Variants in ANKRD33 observed in about 807,000 individuals in gnomAD.
ANKRD33 encodes ankyrin repeat domain 33, also known as photoreceptor ankyrin repeat protein.
Under a neutral mutation model 20.6 loss-of-function variants are expected in ANKRD33, and 20 were observed. The ratio of observed to expected loss-of-function variants is 0.97; its 90% CI spans 0.68 to 1.41. The LOEUF is 1.41. Ranked by LOEUF, ANKRD33 falls within the 40% of genes most tolerant of loss-of-function variation. The pLI is 0.00. For missense variants in ANKRD33, 545 were observed against 579.6 expected (o/e 0.94, Z 0.61); for synonymous variants, 246 against 245.0 (o/e 1.00, Z -0.04).
At chr12:51,889,308 G>A in intron 3 of ANKRD33, 64 bp from the exon 4 acceptor site, 4 of 1,606,708 alleles carry the variant, frequency 2.5e-6, no homozygotes, top group Non-Finnish European at 3.4e-6. Context: ...GCTGGGTGGA[G>A]GGCGGTTTGG....
Position 51,890,788 on chromosome 12 carries a change from C to T in ANKRD33, c.842C>T (p.Pro281Leu), listed in dbSNP as rs968058054. ...GCCCAGGCCCAGGCCCAGGTTGCCCCTTCACTCCTAGAACGGCTGCAGGCT... is the reference window on the plus strand; with the variant it reads ...GCCCAGGCCCAGGCCCAGGTTGCCCTTTCACTCCTAGAACGGCTGCAGGCT... ...AQAQAQAQVA[P>L]SLLERLQATL... The change falls in exon 5 of 5, where the codon CCT (proline) becomes CTT (leucine). Residue 281 changes from proline to leucine, a missense_variant. Pro to Leu is a moderately conservative substitution (Grantham distance 98). Transcript: ENST00000301190. The T allele has an allele frequency of 6.2e-7, 1 of 1,604,440 alleles. No individual in the cohort carries two copies. The highest frequency in any genetic ancestry group is 8.5e-7 in the Non-Finnish European group (1 of 1,177,344).
At chr12:51,890,394 C>T in intron 4 of ANKRD33, 190 bp from the exon 5 acceptor site, 2 of 1,418,076 alleles carry the variant, frequency 1.4e-6, no homozygotes, top group Non-Finnish European at 1.9e-6. Context: ...TTTCCCCTCT[C>T]TGGACCTAAG....
Position 51,891,079 on chromosome 12 carries a change from G to A in ANKRD33, c.1133G>A (p.Gly378Asp). ...TTCGTCCCCTACCAGAGCCCTCAGG[G>A]CATATTGAGCAAGTGCCTTCAGTGG... is the stretch of plus-strand genomic sequence containing the variant. ...WVFVPYQSPQ[G>D]ILSKCLQWLQ... is the part of the protein sequence containing the mutation. Residue 378 changes from glycine to aspartate, a missense_variant, in exon 5 of 5, where the codon GGC (glycine) becomes GAC (aspartate). By Grantham distance (94) the Gly-to-Asp change is moderately conservative (BLOSUM62 -1). Coordinates refer to ENST00000301190, the MANE Select transcript of ANKRD33 (RefSeq NM_182608.4). 6.2e-7 allele frequency: 1 copy of A among 1,614,058 alleles called. No homozygotes were observed.
chr12:51,888,130 G>C lies in ANKRD33; in HGVS notation c.-57G>C. On this transcript the variant is annotated 5_prime_UTR_variant, in exon 1 of 5. Transcript: ENST00000301190. The stretch of plus-strand genomic sequence containing the variant: ...GACGTGACCACCCGCCCCGCATGGG[G>C]CCCCAGTCCCAGCTGCTTGATCCGG... 1 of 1,597,078 alleles carries C rather than the reference G, an allele frequency of 6.3e-7. No homozygotes were observed. The highest frequency in any genetic ancestry group is 1.1e-5 in the South Asian group (1 of 90,010).
In ANKRD33 at chr12:51,891,464, A is replaced by T; in HGVS notation, c.*159A>T. On this transcript the variant is annotated 3_prime_UTR_variant, in exon 5 of 5. Transcript: ENST00000301190. ...GGTCATTCATTCTAGCATTGTTTGC[A>T]AGAGTGAAAGAGTGGAAACACCCGA... 2 of 1,249,814 alleles carry T rather than the reference A, an allele frequency of 1.6e-6. No individual in the cohort carries two copies. The highest frequency in any genetic ancestry group is 2.1e-6 in the Non-Finnish European group (2 of 931,318). The allele number at this position is 1,249,814 out of a possible 1,614,324, so 77.4% of individuals were successfully genotyped here.
At chr12:51,889,328 C>T in intron 3 of ANKRD33, 44 bp from the exon 4 acceptor site, 1 of 1,608,534 alleles carries the variant, frequency 6.2e-7, no homozygotes, top group Non-Finnish European at 8.5e-7. Flanking sequence ...GGAGCTTCAT[C>T]ACCCCCTTTC....
intron 3 of ANKRD33, 61 bp from the exon 4 acceptor site, chr12:51,889,311 C>T (rs1210768686): frequency 1.3e-5 from 21 of 1,606,112 alleles, no homozygotes; most frequent in Non-Finnish European, 1.6e-5. Flanking sequence ...GGGTGGAGGG[C>T]GGTTTGGGAG....
rs1255164209 is a variant in ANKRD33, at chr12:51,889,487, G to A, written c.637+5G>A. The A allele has an allele frequency of 2.5e-6, 4 of 1,613,418 alleles. No homozygotes were observed. Among genetic ancestry groups the A allele is most frequent in the African/African-American group, 1.3e-5 (1 of 74,940 alleles). On this transcript the variant is annotated splice_donor_5th_base_variant and intron_variant, in intron 4 of 4. Transcript: ENST00000301190. ...AGGCTGCCATGCGGAACCGCTGTGA[G>A]TGCGTGGCCACCCTCCTCATGGCAG...
Position 51,888,601 on chromosome 12 carries a change from T to C in ANKRD33, c.179T>C (p.Leu60Pro), listed in dbSNP as rs763364276. The C allele has an allele frequency of 6.4e-7, 1 of 1,566,938 alleles. No homozygotes were observed. The highest frequency in any genetic ancestry group is 1.4e-5 in the African/African-American group (1 of 73,232). Residue 60 changes from leucine (L) to proline (P), a missense_variant, in exon 2 of 5, where the codon CTG becomes CCG. Coordinates refer to ENST00000301190, the MANE Select transcript of ANKRD33 (RefSeq NM_182608.4). ...TGCATGAGAAAAGGGACTCACCTTC[T>C]GGTTCCCTGCCTGGAAGAGGAAGAG... Reference protein sequence around the residue: ...ASCMRKGTHLLVPCLEEEELA... With the variant: ...ASCMRKGTHLPVPCLEEEELA...
At position 51,890,996 on chromosome 12, in the gene ANKRD33, G is replaced by A. The variant is rs568322204; in HGVS notation, c.1050G>A (p.Pro350=). 419 of 1,612,884 alleles carry A rather than the reference G, an allele frequency of 2.6e-4. 5 individuals are homozygous for A. In the South Asian group the frequency reaches 4.3e-3, roughly 17 times the overall value. Reference sequence around the variant, plus strand: ...TGCCAGAGCTGTTAGGTACTGCCCCGCCCCCTCCCCTGGTTCCCCAGTCCC... The same window carrying A: ...TGCCAGAGCTGTTAGGTACTGCCCCACCCCCTCCCCTGGTTCCCCAGTCCC... The part of the protein sequence containing the change: ...KSVPELLGTA[P]PPPLVPQSPP... The change falls in exon 5 of 5, where the codon CCG becomes CCA. Residue 350 remains proline, a synonymous_variant. Transcript: ENST00000301190.
At chr12:51,889,249 G>T in intron 3 of ANKRD33, 53 bp downstream of exon 3, 3 of 1,613,176 alleles carry the variant, frequency 1.9e-6, no homozygotes, top group Non-Finnish European at 2.5e-6. Flanking sequence ...TGCAGACAGG[G>T]CCTCAGCCCC....
intron 4 of ANKRD33, 106 bp from the exon 5 acceptor site, chr12:51,890,478 A>G (rs765885378): frequency 2.3e-5 from 36 of 1,536,010 alleles, no homozygotes; most frequent in Middle Eastern, 1.7e-4. Flanking sequence ...ATGGGACTCT[A>G]TGGCTTCGAA....
At chr12:51,890,126 G>C in intron 4 of ANKRD33, 1 of 260,576 alleles carries the variant, frequency 3.8e-6, no homozygotes, top group Non-Finnish European at 7.7e-6. Context: ...AATGAAAAAG[G>C]AGGGCGCTCT....
chr12:51,889,184 G>C lies in ANKRD33; in HGVS notation c.514G>C (p.Ala172Pro). The stretch of plus-strand genomic sequence containing the variant: ...AGGAGGGGACACGGCCCTCATGTTG[G>C]CTGCCCAAGCAGGTGTGAGGCTGCT... ...DKGGDTALML[A>P]AQAGHVPLVS... Residue 172 changes from alanine to proline, a missense_variant, in exon 3 of 5, where the codon GCT becomes CCT. By Grantham distance (27) the Ala-to-Pro change is conservative. Transcript: ENST00000301190. The C allele has an allele frequency of 1.2e-6, 2 of 1,614,188 alleles. No individual in the cohort carries two copies. The highest frequency in any genetic ancestry group is 4.5e-5 in the East Asian group (2 of 44,878).
chr12:51,888,875 C>T lies in ANKRD33; in HGVS notation c.396+57C>T, dbSNP rs571461727. 5.9e-5 allele frequency: 94 copies of T among 1,604,030 alleles called. No homozygotes were observed. The Admixed American group carries it at 1.1e-3, about 18-fold the overall frequency. On this transcript the variant is annotated intron_variant, in intron 2 of 4. Coordinates refer to ENST00000301190, the MANE Select transcript of ANKRD33 (RefSeq NM_182608.4). Reference sequence around the variant, plus strand: ...GGGCATCTTTGCATCCCCACCACACCGTCCTGGCCTGGCTCCCTGAGAGGG... The same window carrying T: ...GGGCATCTTTGCATCCCCACCACACTGTCCTGGCCTGGCTCCCTGAGAGGG...
intron 4 of ANKRD33, chr12:51,890,295 C>A: frequency 1.6e-6 from 1 of 640,586 alleles, no homozygotes; most frequent in African/African-American, 1.8e-5. Flanking sequence ...TCCTGGGCAG[C>A]CTGCACCGCT....
chr12:51,888,131 C>A lies in ANKRD33; in HGVS notation c.-56C>A. 1.3e-6 allele frequency: 2 copies of A among 1,597,174 alleles called. No individual in the cohort carries two copies. Among genetic ancestry groups the A allele is most frequent in the Non-Finnish European group, 8.5e-7 (1 of 1,171,068 alleles). ...ACGTGACCACCCGCCCCGCATGGGGCCCCAGTCCCAGCTGCTTGATCCGGC... is the reference window on the plus strand; with the variant it reads ...ACGTGACCACCCGCCCCGCATGGGGACCCAGTCCCAGCTGCTTGATCCGGC... On this transcript the variant is annotated 5_prime_UTR_variant, in exon 1 of 5. Transcript: ENST00000301190.
Position 51,890,230 on chromosome 12 carries a change from C to T in ANKRD33, c.638-354C>T, listed in dbSNP as rs533730560. ...GAAGAGAAGAACCAGGAGAGGGAAC[C>T]AGCCGATCATCCCCACCCACCTGCC... On this transcript the variant is annotated intron_variant, in intron 4 of 4. Transcript: ENST00000301190. 68 of 427,992 alleles carry T rather than the reference C, an allele frequency of 1.6e-4. 1 individual carries two copies. The highest frequency in any genetic ancestry group is 1.5e-3 in the South Asian group (68 of 46,388). The allele number at this position is 427,992 out of a possible 1,614,324, so 26.5% of individuals were successfully genotyped here.
At chr12:51,889,753 A>C in intron 4 of ANKRD33, 1 of 582,490 alleles carries the variant, frequency 1.7e-6, no homozygotes, top group East Asian at 3.4e-5. Flanking sequence ...TGGGAGGGGA[A>C]CCTAGCCCAG....
Sources: gnomAD v4.1 joint callset for allele counts on GRCh38, gnomAD v4.1.1 for gene constraint, MANE v1.5 for transcripts, NCBI Gene and HGNC (gene_info 2026-07-23, HGNC 2026-07-21) for gene names.